OR51B5: variants seen among roughly 807,000 people sequenced by gnomAD.
The protein encoded by OR51B5 is olfactory receptor family 51 subfamily B member 5, also known as olfactory receptor 51B5.
For missense variants in OR51B5, 456 were observed against 374.6 expected, an observed-to-expected ratio of 1.22 and a Z score of -1.79; for synonymous variants, 186 against 144.8, an observed-to-expected ratio of 1.28 and a Z score of -2.04.
exon 1 of OR51B5, chr11:5,343,293 T>C: frequency 1.2e-6 from 2 of 1,612,056 alleles, no homozygotes; most frequent in Admixed American, 1.7e-5. Flanking sequence ...CCCAGCACCG[T>C]GGGCATTGTG....
At chr11:5,446,867 T>C (rs779187110) in intron 1 of OR51B5, among the ~76,000 whole-genome samples, 1 of 152,228 alleles carries the variant, frequency 6.6e-6, no homozygotes, top group Non-Finnish European at 1.5e-5. Context: ...GCATTGATCC[T>C]ACTTCAGTGC....
At chr11:5,449,193 T>C (rs796083742) in intron 1 of OR51B5, 12 of 152,342 alleles carry the variant, frequency 7.9e-5, no homozygotes, top group African/African-American at 2.4e-4. Flanking sequence ...TCAGTAGTTA[T>C]TATGGACCTC....
intron 1 of OR51B5, among the ~76,000 whole-genome samples, chr11:5,450,261 C>T (rs1246816718): frequency 1.3e-5 from 2 of 151,986 alleles, no homozygotes; most frequent in African/African-American, 4.8e-5. Flanking sequence ...TGGTGGCAGG[C>T]GCCTGTAATT....
intron 1 of OR51B5, chr11:5,440,722 G>C (rs145392841): frequency 6.2e-7 from 1 of 1,613,950 alleles, no homozygotes; most frequent in Non-Finnish European, 8.5e-7. Context: ...TTCCAGAAGC[G>C]GTGAATCATG....
chr11:5,489,736 G>GT, intron 1 of OR51B5: 1 of 999,518 alleles, frequency 1.0e-6, no homozygotes, highest in Non-Finnish European at 1.5e-6. Flanking sequence ...TGGACACACA[G>GT]TGATGATGTG....
chr11:5,479,482 T>C (rs1179429773), intron 1 of OR51B5, among the ~76,000 whole-genome samples: 1 of 150,658 alleles, frequency 6.6e-6, no homozygotes, highest in Non-Finnish European at 1.5e-5. Flanking sequence ...GCTAACATCA[T>C]AATGACAGGA....
In OR51B5 at chr11:5,343,471, C is replaced by T. The variant is rs376277471; in HGVS notation, c.54G>A (p.Leu18=). Residue 18 remains leucine, a synonymous_variant, in exon 1 of 1, where the codon TTG becomes TTA. Transcript: ENST00000300773. ...CGGAAATCCAGTGATGAGCTTCCTC[C>T]AAGCCTGGAAAACCAGTCAATAGGA... The T allele has an allele frequency of 3.3e-5, 51 of 1,532,186 alleles. No homozygotes were observed. The African/African-American group carries it at 5.3e-4, about 16-fold the overall frequency. The allele number at this position is 1,532,186 out of a possible 1,614,324, so 94.9% of individuals were successfully genotyped here. A position where few individuals can be genotyped will look rare whatever the true frequency, so the allele number is the denominator to read the frequency against.
In OR51B5 at chr11:5,432,410, C is replaced by T. The variant is rs146118911; in HGVS notation, n.84+73159G>A. Among the ~76,000 whole-genome samples, 69 of 152,272 alleles carry T rather than the reference C, an allele frequency of 4.5e-4. 2 individuals carry two copies. The East Asian group carries it at 0.013, about 28-fold the overall frequency. On this transcript the variant is annotated intron_variant and non_coding_transcript_variant, in intron 1 of 4. Transcript: ENST00000415970. Reference sequence around the variant, plus strand: ...GTGTGATGTGTTCAACTTATTTATACTCTGATCCAAAATTTTATTTTGTTT... The same window carrying T: ...GTGTGATGTGTTCAACTTATTTATATTCTGATCCAAAATTTTATTTTGTTT...
intron 1 of OR51B5, among the ~76,000 whole-genome samples, chr11:5,349,043 A>G (rs568224696): frequency 4.2e-4 from 64 of 152,270 alleles, no homozygotes; most frequent in South Asian, 1.7e-3. Flanking sequence ...TTTATGCGGC[A>G]GAGTTTGAGA....
intron 1 of OR51B5, among the ~76,000 whole-genome samples, chr11:5,388,640 CG>C (rs1473424202): frequency 6.7e-6 from 1 of 150,202 alleles, no homozygotes; most frequent in East Asian, 1.9e-4. Flanking sequence ...AGGATATACA[CG>C]GAGAGAAAAT....
At chr11:5,390,067 G>A in intron 1 of OR51B5, 1 of 1,613,692 alleles carries the variant, frequency 6.2e-7, no homozygotes, top group East Asian at 2.2e-5. Flanking sequence ...TGCTGGACCT[G>A]GTGCTCATCG....
chr11:5,422,442 C>G (rs1235915674), intron 1 of OR51B5: 2 of 1,614,188 alleles, frequency 1.2e-6, no homozygotes, highest in South Asian at 2.2e-5. Context: ...ACCACCCTAC[C>G]CACAGTCATG....
intron 1 of OR51B5, among the ~76,000 whole-genome samples, chr11:5,460,943 G>T (rs1851040375): frequency 6.6e-6 from 1 of 152,228 alleles, no homozygotes; most frequent in Admixed American, 6.5e-5. Flanking sequence ...TCAAGCACCT[G>T]TTGCACTGGA....
intron 1 of OR51B5, among the ~76,000 whole-genome samples, chr11:5,490,113 G>C (rs1297081365): frequency 6.6e-6 from 1 of 152,132 alleles, no homozygotes; most frequent in Admixed American, 6.5e-5. Context: ...TTGAATCCTG[G>C]CTCCTCTACT....
At chr11:5,408,520 A>C (rs1372390839) in intron 1 of OR51B5, among the ~76,000 whole-genome samples, 1 of 152,122 alleles carries the variant, frequency 6.6e-6, no homozygotes, top group Non-Finnish European at 1.5e-5. Context: ...AAAACAAGAG[A>C]AGTCATTCAT....
chr11:5,342,887 AAGATAATC>A lies in OR51B5; in HGVS notation c.630_637del (p.Ile211HisfsTer78), dbSNP rs775266097. On this transcript the variant is annotated frameshift_variant, in exon 1 of 1. Transcript: ENST00000300773. LOFTEE classifies it low-confidence loss of function (END_TRUNC). ...CTTGAGTATCAACACATAGGAGATG[AAGATAATC>A]AGATAATCCAGCACAAATATAAAGA... 36 of 1,613,636 alleles carry A rather than the reference AAGATAATC, an allele frequency of 2.2e-5. No individual in the cohort carries two copies. Among genetic ancestry groups the A allele is most frequent in the Admixed American group, 1.0e-4 (6 of 60,010 alleles).
At chr11:5,389,367 T>C (rs201225548) in intron 1 of OR51B5, 69 of 1,595,510 alleles carry the variant, frequency 4.3e-5, no homozygotes, top group Middle Eastern at 1.7e-4. Context: ...TAACCAGAAA[T>C]ATCCATTTAT....
intron 1 of OR51B5, among the ~76,000 whole-genome samples, chr11:5,503,761 G>C (rs1846332148): frequency 6.6e-6 from 1 of 152,124 alleles, no homozygotes; most frequent in African/African-American, 2.4e-5. Flanking sequence ...GTCTAGTGTA[G>C]ATACTCGCAG....
chr11:5,345,614 C>G (rs189139601), upstream of OR51B5, among the ~76,000 whole-genome samples: 325 of 152,226 alleles, frequency 2.1e-3, 1 homozygote, highest in South Asian at 3.5e-3. Context: ...GCAAATGCAT[C>G]CCTTGCTTTT....
Sources: gnomAD v4.1 joint callset for allele counts (sites outside exome capture counted in the v4.1 genomes callset) on GRCh38, gnomAD v4.1.1 for gene constraint, MANE v1.5 for transcripts, NCBI Gene and HGNC (gene_info 2026-07-23, HGNC 2026-07-21) for gene names.